The following PTPRT variants were observed in gnomAD, a reference collection of about 807,000 sequenced individuals.
The protein encoded by PTPRT is protein tyrosine phosphatase receptor type T.
A neutral mutation model predicts 176.8 loss-of-function variants in PTPRT; 56 were observed. That is an observed-to-expected ratio of 0.32 (90% CI 0.26 to 0.40). The LOEUF (loss-of-function observed/expected upper bound fraction) is 0.40. PTPRT is among the 10% of genes least tolerant of loss of function. The pLI, the probability that PTPRT is intolerant of heterozygous loss-of-function variation, is 1.00. For missense variants in PTPRT, 1,540 were observed against 1,908.2 expected (o/e 0.81, Z 3.60); for synonymous variants, 783 against 739.0 (o/e 1.06, Z -0.96).
chr20:43,019,617 C>CAAAAA (rs539102745), intron 1 of PTPRT, among the ~76,000 whole-genome samples: 18 of 56,130 alleles, frequency 3.2e-4, no homozygotes, highest in African/African-American at 8.9e-4. Flanking sequence ...GACACCGTCT[C>CAAAAA]AAAAAAAAAA....
intron 1 of PTPRT, among the ~76,000 whole-genome samples, chr20:43,166,685 G>GA (rs2014867839): frequency 1.3e-5 from 2 of 152,218 alleles, no homozygotes; most frequent in Admixed American, 6.5e-5. Context: ...TATAATGTAA[G>GA]AAAAAACTGG....
chr20:42,884,174 G>T (rs1045544393), intron 2 of PTPRT, among the ~76,000 whole-genome samples: 1 of 152,032 alleles, frequency 6.6e-6, no homozygotes, highest in Non-Finnish European at 1.5e-5. Context: ...ACAGACAGAG[G>T]TTGTTCCACA....
intron 9 of PTPRT, among the ~76,000 whole-genome samples, chr20:42,417,668 A>C (rs114409322): frequency 0.01 from 1,572 of 150,806 alleles, 34 homozygotes; most frequent in African/African-American, 0.037. Flanking sequence ...GCAAACATTT[A>C]CTGTATCTAG....
At chr20:42,932,350 G>T (rs1486997466) in intron 1 of PTPRT, among the ~76,000 whole-genome samples, 2 of 152,266 alleles carry the variant, frequency 1.3e-5, no homozygotes, top group Non-Finnish European at 2.9e-5. Context: ...GGGTCTGGCT[G>T]CAGCGCAGGC....
chr20:42,872,985 A>G (rs2078870683), intron 2 of PTPRT, among the ~76,000 whole-genome samples: 1 of 152,220 alleles, frequency 6.6e-6, no homozygotes, highest in Non-Finnish European at 1.5e-5. Context: ...ATGTGCCTGC[A>G]GCCCACACAG....
intron 1 of PTPRT, among the ~76,000 whole-genome samples, chr20:43,139,755 C>G (rs1393075620): frequency 1.3e-5 from 2 of 152,146 alleles, no homozygotes; most frequent in Non-Finnish European, 2.9e-5. Flanking sequence ...CATTAGAGCC[C>G]CAAGTTGGTG....
At chr20:42,473,342 T>A (rs1331567212) in intron 7 of PTPRT, among the ~76,000 whole-genome samples, 1 of 152,186 alleles carries the variant, frequency 6.6e-6, no homozygotes, top group Non-Finnish European at 1.5e-5. Flanking sequence ...ATTAGGAATA[T>A]TCTATTTATA....
chr20:42,098,290 G>T, intron 27 of PTPRT, 131 bp downstream of exon 27: 1 of 1,271,492 alleles, frequency 7.9e-7, no homozygotes, highest in Non-Finnish European at 1.1e-6. Context: ...GATGCTCGTG[G>T]CCAGACACTG....
intron 6 of PTPRT, among the ~76,000 whole-genome samples, chr20:42,755,572 A>ATT (rs11480364): frequency 0.029 from 4,198 of 147,162 alleles, 198 homozygotes; most frequent in African/African-American, 0.095. Context: ...CTGTCAAACC[A>ATT]TTTTTTTTTT....
intron 2 of PTPRT, among the ~76,000 whole-genome samples, chr20:42,832,710 AAAAG>A (rs1186010599): frequency 8.6e-5 from 13 of 151,222 alleles, no homozygotes; most frequent in African/African-American, 1.9e-4. Context: ...GAAAAAAAAA[AAAAG>A]AAGAAGAAGA....
At chr20:42,764,353 G>A (rs75990023) in intron 5 of PTPRT, among the ~76,000 whole-genome samples, 4,531 of 152,158 alleles carry the variant, frequency 0.03, 206 homozygotes, top group African/African-American at 0.1. Flanking sequence ...CTAGGGGGTG[G>A]GGAGGCAATT....
At chr20:42,321,192 A>G (rs1457085432) in intron 11 of PTPRT, among the ~76,000 whole-genome samples, 10 of 152,188 alleles carry the variant, frequency 6.6e-5, no homozygotes, top group African/African-American at 2.4e-4. Context: ...AAGTGAGGGC[A>G]GTGAACAGTC....
intron 1 of PTPRT, among the ~76,000 whole-genome samples, chr20:42,887,889 C>T (rs1466438445): frequency 1.3e-5 from 2 of 152,090 alleles, no homozygotes; most frequent in Non-Finnish European, 2.9e-5. Context: ...TTCCAAAGGA[C>T]TGTGAGGGCT....
rs533154307 is a variant in PTPRT at position 42,077,153 on chromosome 20, G to A, written c.*3726C>T. On this transcript the variant is annotated 3_prime_UTR_variant, in exon 31 of 31. Transcript: ENST00000373187. Reference sequence around the variant, plus strand: ...CACATGTTAGAGTCCCCAGCATAGGGTCTGTTGGTTCCTTTGCAGGCCACA... The same window carrying A: ...CACATGTTAGAGTCCCCAGCATAGGATCTGTTGGTTCCTTTGCAGGCCACA... The A allele has an allele frequency of 4.4e-5, 8 of 182,934 alleles. No homozygotes were observed. Among genetic ancestry groups the A allele is most frequent in the African/African-American group, 1.9e-4 (8 of 42,620 alleles). 11.3% of individuals were successfully genotyped at this position (182,934 alleles called of 1,614,324 possible). A position where few individuals can be genotyped will look rare whatever the true frequency, so the allele number is the denominator to read the frequency against.
chr20:42,809,453 C>T (rs1392233306), intron 2 of PTPRT, among the ~76,000 whole-genome samples: 1 of 152,168 alleles, frequency 6.6e-6, no homozygotes, highest in East Asian at 1.9e-4. Flanking sequence ...GACAGAAACC[C>T]TGGCTTGGAG....
intron 9 of PTPRT, among the ~76,000 whole-genome samples, chr20:42,388,592 G>T (rs2058767627): frequency 6.6e-6 from 1 of 152,200 alleles, no homozygotes; most frequent in Non-Finnish European, 1.5e-5. Flanking sequence ...TCTCACACCA[G>T]TTAGAATGGC....
intron 6 of PTPRT, among the ~76,000 whole-genome samples, chr20:42,704,641 C>CCTTCTCTGA (rs1303463497): frequency 1.3e-5 from 2 of 152,070 alleles, no homozygotes; most frequent in Non-Finnish European, 2.9e-5. Context: ...ATTTGGGAAG[C>CCTTCTCTGA]CTTCTCTGAC....
rs186618818 is a variant in PTPRT at position 42,677,724 on chromosome 20, T to C, written c.1153+142A>G. The C allele has an allele frequency of 1.7e-4, 167 of 1,001,572 alleles. 1 individual carries two copies. The African/African-American group carries it at 2.3e-3, about 14-fold the overall frequency. 62.0% of individuals were successfully genotyped at this position (1,001,572 alleles called of 1,614,324 possible). A position where few individuals can be genotyped will look rare whatever the true frequency, so the allele number is the denominator to read the frequency against. On this transcript the variant is annotated intron_variant, in intron 7 of 30. Coordinates refer to ENST00000373187, the MANE Select transcript of PTPRT (RefSeq NM_007050.6). The stretch of plus-strand genomic sequence containing the variant: ...ACAAACAAAAAAAACCCCAAGGCCT[T>C]GATCCTGTTTATCCACAATAGGAAG...
intron 1 of PTPRT, among the ~76,000 whole-genome samples, chr20:43,128,573 T>C (rs2013534542): frequency 1.3e-5 from 2 of 152,114 alleles, no homozygotes; most frequent in South Asian, 4.1e-4. Context: ...ACTGGGTAGG[T>C]CACCAAATGA....
Sources: gnomAD v4.1 joint callset for allele counts (sites outside exome capture counted in the v4.1 genomes callset) on GRCh38, gnomAD v4.1.1 for gene constraint, MANE v1.5 for transcripts, NCBI Gene and HGNC (gene_info 2026-07-23, HGNC 2026-07-21) for gene names.